VPS13A: variants seen among roughly 807,000 people sequenced by gnomAD.
VPS13A encodes the protein vacuolar protein sorting 13 homolog A, also known as intermembrane lipid transfer protein VPS13A.
A neutral mutation model predicts 390.9 loss-of-function variants in VPS13A; 264 were observed. The ratio of observed to expected loss-of-function variants is 0.68; its 90% CI spans 0.61 to 0.75. The LOEUF (loss-of-function observed/expected upper bound fraction) is 0.75. Ranked by LOEUF, VPS13A falls within the 30% of genes least tolerant of loss-of-function variation. The pLI is 0.00. For synonymous variants in VPS13A, 1,231 were observed against 1,227.1 expected, an observed-to-expected ratio of 1.00 and a Z score of -0.07; for missense variants, 3,409 against 3,733.9, an observed-to-expected ratio of 0.91 and a Z score of 2.27.
At chr9:77,351,576 G>T (rs1231270697) in intron 53 of VPS13A, 130 bp downstream of exon 53, 1 of 1,185,048 alleles carries the variant, frequency 8.4e-7, no homozygotes, top group Non-Finnish European at 1.2e-6. Context: ...TTGGAGATCA[G>T]CCTGGCCAAT....
At chr9:77,356,075 G>A (rs1831762089) in intron 54 of VPS13A, among the ~76,000 whole-genome samples, 2 of 152,192 alleles carry the variant, frequency 1.3e-5, no homozygotes, top group South Asian at 4.1e-4. Context: ...AGAGTCTACA[G>A]TGGTCTACAA....
intron 20 of VPS13A, 78 bp downstream of exon 20, chr9:77,247,473 C>G (rs1462699966): frequency 1.4e-6 from 2 of 1,421,074 alleles, no homozygotes; most frequent in East Asian, 4.8e-5. Context: ...GTTTTTTAAA[C>G]AGTTTGATTT....
intron 68 of VPS13A, among the ~76,000 whole-genome samples, chr9:77,386,493 A>G (rs1029417248): frequency 5.6e-5 from 6 of 107,766 alleles, no homozygotes; most frequent in African/African-American, 2.0e-4. Context: ...TTAAGAATTT[A>G]TCGGAAAAAA....
At position 77,177,685 on chromosome 9, in the gene VPS13A, G is replaced by T; in HGVS notation, c.-20G>T. Reference sequence around the variant, plus strand: ...GAGGAGCGCACGGGCCGGCTGCCGTGCCCACCACGGCTGAGGAACATGGTT... The same window carrying T: ...GAGGAGCGCACGGGCCGGCTGCCGTTCCCACCACGGCTGAGGAACATGGTT... On this transcript the variant is annotated 5_prime_UTR_variant, in exon 1 of 72. Coordinates refer to ENST00000360280, the MANE Select transcript of VPS13A (RefSeq NM_033305.3). 1.2e-6 allele frequency: 2 copies of T among 1,610,824 alleles called. No homozygotes were observed. Among genetic ancestry groups the T allele is most frequent in the Non-Finnish European group, 8.5e-7 (1 of 1,178,170 alleles).
In VPS13A at chr9:77,321,840, TTTTTTGTTTTTG is replaced by T; in HGVS notation, c.5830+106_5830+117del. ...TCTTTTGTAGAATCTTAGCAAGGTT[TTTTTTGTTTTTG>T]TTTTTGTTTTTTTAAAATATCCTTT... On this transcript the variant is annotated intron_variant, in intron 44 of 71. Transcript: ENST00000360280. 4 of 1,483,244 alleles carry T rather than the reference TTTTTTGTTTTTG, an allele frequency of 2.7e-6. No individual in the cohort carries two copies. The South Asian group carries it at 5.0e-5, about 19-fold the overall frequency. The allele number at this position is 1,483,244 out of a possible 1,614,324, so 91.9% of individuals were successfully genotyped here. A position where few individuals can be genotyped will look rare whatever the true frequency, so the allele number is the denominator to read the frequency against.
At chr9:77,270,776 A>T (rs911376038) in intron 23 of VPS13A, among the ~76,000 whole-genome samples, 6 of 152,212 alleles carry the variant, frequency 3.9e-5, no homozygotes, top group African/African-American at 2.4e-5. Context: ...TGGGGGAAGG[A>T]TCACCTTTTC....
chr9:77,239,548 T>C (rs1018933496), intron 19 of VPS13A, among the ~76,000 whole-genome samples: 1 of 152,000 alleles, frequency 6.6e-6, no homozygotes, highest in Non-Finnish European at 1.5e-5. Context: ...CAGTATGAAG[T>C]ACAAAGTTTC....
At chr9:77,413,897 G>GA (rs1305778395) in intron 71 of VPS13A, among the ~76,000 whole-genome samples, 3 of 151,862 alleles carry the variant, frequency 2.0e-5, no homozygotes, top group Admixed American at 1.3e-4. Context: ...AAATCTACAA[G>GA]AAAAAAACAG....
chr9:77,363,532 C>T (rs769074800), intron 59 of VPS13A, among the ~76,000 whole-genome samples: 2 of 151,730 alleles, frequency 1.3e-5, no homozygotes, highest in African/African-American at 4.8e-5. Flanking sequence ...TTCAGCCTCC[C>T]TCCCGAGTAG....
chr9:77,313,707 T>C (rs1188618370), intron 35 of VPS13A, among the ~76,000 whole-genome samples: 1 of 152,154 alleles, frequency 6.6e-6, no homozygotes, highest in Non-Finnish European at 1.5e-5. Flanking sequence ...CCAAACATAC[T>C]CAGTGATTAG....
At chr9:77,256,487 T>C (rs1181629682) in intron 22 of VPS13A, among the ~76,000 whole-genome samples, 1 of 152,154 alleles carries the variant, frequency 6.6e-6, no homozygotes. Context: ...GTTCTATATA[T>C]GTCATTTTAG....
intron 33 of VPS13A, among the ~76,000 whole-genome samples, chr9:77,296,709 C>G (rs879039300): frequency 3.7e-4 from 57 of 152,246 alleles, no homozygotes; most frequent in African/African-American, 1.3e-3. Flanking sequence ...GATATGCATA[C>G]ATTTCTGACA....
In VPS13A at chr9:77,370,493, A is replaced by G; in HGVS notation, c.8822A>G (p.Tyr2941Cys). ...GVAAMTMDED[Y>C]QQKRREAMNK... Reference sequence around the variant, plus strand: ...GCAGCTATGACCATGGATGAAGACTACCAACAGAAGAGAAGAGAAGCCATG... The same window carrying G: ...GCAGCTATGACCATGGATGAAGACTGCCAACAGAAGAGAAGAGAAGCCATG... Residue 2941 changes from tyrosine (Y) to cysteine (C), a missense_variant, in exon 65 of 72, where the codon TAC (tyrosine) becomes TGC (cysteine). Transcript: ENST00000360280. 1 of 1,614,186 alleles carries G rather than the reference A, an allele frequency of 6.2e-7. No individual in the cohort carries two copies. The highest frequency in any genetic ancestry group is 8.5e-7 in the Non-Finnish European group (1 of 1,180,032).
intron 65 of VPS13A, 128 bp from the exon 66 acceptor site, chr9:77,370,762 C>G (rs1832705803): frequency 7.1e-7 from 1 of 1,411,782 alleles, no homozygotes; most frequent in Admixed American, 1.9e-5. Context: ...AAATAAAATA[C>G]TTAGGAGATC....
In VPS13A at chr9:77,316,342, T is replaced by C. The variant is rs750123492; in HGVS notation, c.4799T>C (p.Ile1600Thr). The change falls in exon 39 of 72, where the codon ATT becomes ACT. Residue 1600 changes from isoleucine (I) to threonine (T), a missense_variant. Physicochemically the swap from Ile to Thr is moderately conservative, Grantham distance 89. Transcript: ENST00000360280. ...GAAAATAGTACAATGACTGCTGCCA[T>C]TAAAGATCTCCAAGTGAGAGCCTGC... Reference protein sequence around the residue: ...NLENSTMTAAIKDLQVRACPF... With the variant: ...NLENSTMTAATKDLQVRACPF... The C allele has an allele frequency of 1.2e-6, 2 of 1,613,196 alleles. No individual in the cohort carries two copies. The highest frequency in any genetic ancestry group is 1.7e-6 in the Non-Finnish European group (2 of 1,179,382).
intron 33 of VPS13A, among the ~76,000 whole-genome samples, chr9:77,297,521 T>G (rs1828087204): frequency 6.6e-6 from 1 of 151,866 alleles, no homozygotes; most frequent in Admixed American, 6.6e-5. Context: ...TCACTATCCA[T>G]TTTTGATGTC....
intron 31 of VPS13A, among the ~76,000 whole-genome samples, chr9:77,292,342 T>C (rs1229414007): frequency 6.6e-6 from 1 of 152,222 alleles, no homozygotes; most frequent in African/African-American, 2.4e-5. Context: ...ACAAGTGAGC[T>C]GGTGCTTATT....
intron 68 of VPS13A, chr9:77,382,978 C>G: frequency 2.0e-6 from 2 of 985,144 alleles, no homozygotes; most frequent in Non-Finnish European, 2.4e-6. Context: ...AGGTGGAATA[C>G]TAAATTAAAT....
intron 68 of VPS13A, among the ~76,000 whole-genome samples, chr9:77,387,105 GA>G (rs573286383): frequency 4.8e-5 from 7 of 147,034 alleles, no homozygotes; most frequent in African/African-American, 1.3e-4. Flanking sequence ...TTCCAGTTTT[GA>G]AAAAAAACTT....
Sources: allele counts gnomAD v4.1 joint callset (sites outside exome capture counted in the v4.1 genomes callset), GRCh38; gene constraint gnomAD v4.1.1; transcripts MANE v1.5; gene names NCBI Gene and HGNC (gene_info 2026-07-23, HGNC 2026-07-21).